The following STRN3 variants were observed in gnomAD, a reference collection of about 807,000 sequenced individuals.
STRN3 encodes striatin-3.
In STRN3, 29 loss-of-function variants were observed where a neutral mutation model predicts 95.6. The observed-to-expected ratio is 0.30, with a 90% CI of 0.23 to 0.41. The LOEUF (loss-of-function observed/expected upper bound fraction) is 0.41, where lower values mean the gene tolerates loss of function less well. Among genes scored for constraint, STRN3 ranks in the 10% least tolerant of loss-of-function variants. The pLI, the probability that STRN3 is intolerant of heterozygous loss-of-function variation, is 1.00. For synonymous variants in STRN3, 331 were observed against 357.6 expected, an observed-to-expected ratio of 0.93 and a Z score of 0.84; for missense variants, 890 against 972.1, an observed-to-expected ratio of 0.92 and a Z score of 1.12.
At chr14:30,898,211 A>G (rs1896208838) in intron 16 of STRN3, among the ~76,000 whole-genome samples, 1 of 151,010 alleles carries the variant, frequency 6.6e-6, no homozygotes, top group Non-Finnish European at 1.5e-5. Flanking sequence ...TCCTGGTGTC[A>G]AGCGATTCTC....
chr14:30,911,931 G>C, intron 11 of STRN3, 76 bp downstream of exon 11: 1 of 1,563,420 alleles, frequency 6.4e-7, no homozygotes, highest in Non-Finnish European at 8.7e-7. Context: ...TTAAAGACAT[G>C]CAACAATAAT....
At chr14:30,937,625 A>C (rs1878887499) in intron 5 of STRN3, among the ~76,000 whole-genome samples, 1 of 152,230 alleles carries the variant, frequency 6.6e-6, no homozygotes, top group South Asian at 2.1e-4. Flanking sequence ...TAGAAAATTC[A>C]GCTGAACAAA....
intron 3 of STRN3, among the ~76,000 whole-genome samples, chr14:30,951,589 A>T (rs2139128372): frequency 6.6e-6 from 1 of 152,304 alleles, no homozygotes. Flanking sequence ...GAAATTAAAA[A>T]GCTGTATTAT....
chr14:30,997,732 C>G lies in STRN3; in HGVS notation c.282+28172G>C, dbSNP rs572388736. Among the ~76,000 whole-genome samples, 4 of 152,274 alleles carry G rather than the reference C, an allele frequency of 2.6e-5. 1 individual carries two copies. The highest frequency in any genetic ancestry group is 9.6e-5 in the African/African-American group (4 of 41,562). ...ACAAACACCCAAGATCCCTTGAACC[C>G]TCTAAGCTCAGAGTAGGAACCCGTG... On this transcript the variant is annotated intron_variant, in intron 1 of 17. Transcript: ENST00000357479.
intron 1 of STRN3, among the ~76,000 whole-genome samples, chr14:31,002,447 G>C (rs1427664185): frequency 1.4e-5 from 2 of 142,278 alleles, no homozygotes; most frequent in Non-Finnish European, 3.0e-5. Flanking sequence ...CTCCAGCCTG[G>C]TCGACAGAGG....
rs535294001 is a variant in STRN3 at position 30,971,356 on chromosome 14, G to T, written c.283-15114C>A. ...CCCTTATAGGTCTTTCAACTCTCACGTCTATTTAGACACAATTAAAGTCCC... is the reference window on the plus strand; with the variant it reads ...CCCTTATAGGTCTTTCAACTCTCACTTCTATTTAGACACAATTAAAGTCCC... On this transcript the variant is annotated intron_variant, in intron 1 of 17. Transcript: ENST00000357479. Among the ~76,000 whole-genome samples the T allele has an allele frequency of 6.6e-5, 10 of 152,230 alleles. 1 individual carries two copies. Among genetic ancestry groups the T allele is most frequent in the African/African-American group, 2.2e-4 (9 of 41,556 alleles).
intron 1 of STRN3, among the ~76,000 whole-genome samples, chr14:30,990,785 C>A (rs1881916396): frequency 6.6e-6 from 1 of 152,118 alleles, no homozygotes; most frequent in Admixed American, 6.5e-5. Context: ...TAAATTATCT[C>A]TTGATTACTT....
intron 13 of STRN3, among the ~76,000 whole-genome samples, chr14:30,907,651 T>A (rs1036449858): frequency 6.6e-6 from 1 of 152,218 alleles, no homozygotes; most frequent in Non-Finnish European, 1.5e-5. Context: ...TGGAGTACAG[T>A]GGCATGGTCA....
chr14:30,977,977 T>C (rs933427278), intron 1 of STRN3, among the ~76,000 whole-genome samples: 10 of 152,054 alleles, frequency 6.6e-5, no homozygotes, highest in African/African-American at 2.4e-4. Flanking sequence ...ATAAATGACG[T>C]GAATGGATCC....
In STRN3 at chr14:31,006,635, C is replaced by A. The variant is rs978885455; in HGVS notation, c.282+19269G>T. Among the ~76,000 whole-genome samples the A allele has an allele frequency of 1.1e-4, 17 of 152,114 alleles. No homozygotes were observed. In the East Asian group the frequency reaches 3.1e-3, roughly 28 times the overall value. On this transcript the variant is annotated intron_variant, in intron 1 of 17. Coordinates refer to ENST00000357479, the MANE Select transcript of STRN3 (RefSeq NM_001083893.2). Reference sequence around the variant, plus strand: ...ACTTGAACCTGGGAGGCAGAGGTTGCAGTGAGCTGAGATCGCGCCACTGCA... The same window carrying A: ...ACTTGAACCTGGGAGGCAGAGGTTGAAGTGAGCTGAGATCGCGCCACTGCA...
At chr14:30,983,217 A>C (rs776398652) in intron 1 of STRN3, among the ~76,000 whole-genome samples, 6 of 152,118 alleles carry the variant, frequency 3.9e-5, no homozygotes, top group Non-Finnish European at 7.4e-5. Flanking sequence ...GCTTGGAAGA[A>C]CTTACTTCAT....
At chr14:30,934,510 TG>T (rs1018620826) in intron 7 of STRN3, among the ~76,000 whole-genome samples, 1 of 152,150 alleles carries the variant, frequency 6.6e-6, no homozygotes, top group African/African-American at 2.4e-5. Context: ...TACTTCCTAA[TG>T]GGGTTTTTAA....
chr14:31,021,670 CAG>C (rs1301101492), intron 1 of STRN3, among the ~76,000 whole-genome samples: 1 of 152,134 alleles, frequency 6.6e-6, no homozygotes, highest in Non-Finnish European at 1.5e-5. Flanking sequence ...ACAGGAAAAA[CAG>C]AGCGGAAGCA....
At chr14:30,903,309 AG>A (rs1383946076) in intron 15 of STRN3, among the ~76,000 whole-genome samples, 1 of 152,218 alleles carries the variant, frequency 6.6e-6, no homozygotes, top group African/African-American at 2.4e-5. Context: ...TTAAAAAAAT[AG>A]GTTTGAGGAG....
At chr14:30,924,571 C>T (rs766671042) in intron 8 of STRN3, among the ~76,000 whole-genome samples, 12 of 152,130 alleles carry the variant, frequency 7.9e-5, no homozygotes, top group South Asian at 4.1e-4. Context: ...GGATTACATG[C>T]ATGAACCACT....
intron 1 of STRN3, among the ~76,000 whole-genome samples, chr14:30,963,043 A>C (rs1241972038): frequency 6.6e-6 from 1 of 152,166 alleles, no homozygotes; most frequent in East Asian, 1.9e-4. Context: ...ATCTAACGAT[A>C]CATTTCTCAA....
chr14:30,919,923 G>T (rs777974148), intron 8 of STRN3, among the ~76,000 whole-genome samples: 1 of 151,996 alleles, frequency 6.6e-6, no homozygotes, highest in Non-Finnish European at 1.5e-5. Context: ...CATATATTTT[G>T]AAAGAAAATA....
intron 7 of STRN3, among the ~76,000 whole-genome samples, chr14:30,932,613 C>T (rs1355456127): frequency 6.6e-6 from 1 of 152,152 alleles, no homozygotes; most frequent in East Asian, 1.9e-4. Context: ...ACAGGAGACA[C>T]AGGTACTGTC....
chr14:30,986,473 AAG>A (rs1215513587), intron 1 of STRN3, among the ~76,000 whole-genome samples: 1 of 152,226 alleles, frequency 6.6e-6, no homozygotes, highest in African/African-American at 2.4e-5. Flanking sequence ...AGTAGCCAGA[AAG>A]GACATATTTG....
Sources: gnomAD v4.1 joint callset for allele counts (sites outside exome capture counted in the v4.1 genomes callset) on GRCh38, gnomAD v4.1.1 for gene constraint, MANE v1.5 for transcripts, NCBI Gene and HGNC (gene_info 2026-07-23, HGNC 2026-07-21) for gene names.